Variants in VPS37B observed in about 807,000 individuals in gnomAD.
The protein encoded by VPS37B is VPS37B subunit of ESCRT-I, also known as vacuolar protein sorting-associated protein 37B.
VPS37B carries 11 observed loss-of-function variants against 21.2 expected under a neutral mutation model. The observed-to-expected ratio is 0.52, with a 90% confidence interval of 0.33 to 0.86. VPS37B has a LOEUF of 0.86. Ranked by LOEUF, VPS37B falls within the 40% of genes least tolerant of loss-of-function variation. VPS37B has a pLI of 0.03. For synonymous variants in VPS37B, 175 were observed against 159.6 expected (o/e 1.10, Z -0.73); for missense variants, 389 against 374.8 (o/e 1.04, Z -0.31).
At chr12:122,894,945 C>T (rs900276301) in intron 1 of VPS37B, among the ~76,000 whole-genome samples, 55 of 152,230 alleles carry the variant, frequency 3.6e-4, no homozygotes, top group African/African-American at 1.3e-3. Context: ...ACACGTGGGA[C>T]GCAGTGGTAC....
intron 1 of VPS37B, chr12:122,883,029 T>C (rs1593919124): frequency 6.6e-6 from 1 of 152,190 alleles, no homozygotes; most frequent in East Asian, 1.9e-4. Flanking sequence ...TCGGAGAACA[T>C]TATGAAACAG....
chr12:122,888,244 T>C (rs2034356330), intron 1 of VPS37B: 1 of 203,404 alleles, frequency 4.9e-6, no homozygotes, highest in African/African-American at 2.3e-5. Context: ...TTGAAAAGCC[T>C]TCCCTTGACA....
chr12:122,873,525 A>T (rs1437183693), intron 1 of VPS37B: 1 of 152,176 alleles, frequency 6.6e-6, no homozygotes, highest in African/African-American at 2.4e-5. Context: ...ATTATCTGCC[A>T]CGCCTGGGGT....
chr12:122,868,625 C>T lies in VPS37B; in HGVS notation c.284-63G>A. On this transcript the variant is annotated intron_variant, in intron 2 of 3. Coordinates refer to ENST00000267202, the MANE Select transcript of VPS37B (RefSeq NM_024667.3). This position sits in a 1 kb window ranked among gnomAD's most constrained non-coding sequence, Gnocchi z 5.5. ...TGTCCAGGTAAAGCCCTTCATGATG[C>T]CAACCACGGCAGGATTGCACCTTCC... The T allele has an allele frequency of 7.1e-7, 1 of 1,405,850 alleles. No individual in the cohort carries two copies. Among genetic ancestry groups the T allele is most frequent in the African/African-American group, 1.4e-5 (1 of 71,224 alleles). The allele number at this position is 1,405,850 out of a possible 1,614,324, so 87.1% of individuals were successfully genotyped here.
At chr12:122,894,204 T>C (rs2034455904) in intron 1 of VPS37B, among the ~76,000 whole-genome samples, 2 of 152,200 alleles carry the variant, frequency 1.3e-5, no homozygotes, top group African/African-American at 2.4e-5. Flanking sequence ...GATTTTTTCT[T>C]TGGAGACATG....
rs2033914807 is a variant in VPS37B at position 122,867,049 on chromosome 12, T to G, written c.*67A>C. ...CTTGGCACAGAGCGGACCTCCAGCC[T>G]CCTTCCCGTGAGCAGAGCACAACAC... On this transcript the variant is annotated 3_prime_UTR_variant, in exon 4 of 4. Transcript: ENST00000267202. This position sits in a 1 kb window ranked among gnomAD's most constrained non-coding sequence, Gnocchi z 5.5. The G allele has an allele frequency of 3.4e-6, 5 of 1,450,758 alleles. No individual in the cohort carries two copies. The highest frequency in any genetic ancestry group is 3.6e-6 in the Non-Finnish European group (4 of 1,101,828). The allele number at this position is 1,450,758 out of a possible 1,614,324, so 89.9% of individuals were successfully genotyped here. A position where few individuals can be genotyped will look rare whatever the true frequency, so the allele number is the denominator to read the frequency against.
chr12:122,872,034 C>T (rs2034048906), intron 1 of VPS37B: 1 of 985,380 alleles, frequency 1.0e-6, no homozygotes, highest in Non-Finnish European at 1.2e-6. Flanking sequence ...TCAACGCCAC[C>T]CCAGTCATCT....
rs2034055346 is a variant in VPS37B at position 122,872,315 on chromosome 12, G to T, written c.112-1254C>A. 3 of 985,272 alleles carry T rather than the reference G, an allele frequency of 3.0e-6. No individual in the cohort carries two copies. The South Asian group carries it at 1.4e-4, about 46-fold the overall frequency. The allele number at this position is 985,272 out of a possible 1,614,324, so 61.0% of individuals were successfully genotyped here. The stretch of plus-strand genomic sequence containing the variant: ...GGAGATCCCTAACCCCAGCAGGAGG[G>T]CTCTTTTCAGCAGACAGTGATCTGC... On this transcript the variant is annotated intron_variant, in intron 1 of 3. Transcript: ENST00000267202.
intron 1 of VPS37B, chr12:122,889,565 A>T (rs1181306830): frequency 6.6e-6 from 1 of 152,154 alleles, no homozygotes; most frequent in African/African-American, 2.4e-5. Context: ...TCTACTAAAA[A>T]TACAAAATTA....
intron 1 of VPS37B, chr12:122,877,059 A>C (rs1003052530): frequency 6.6e-6 from 1 of 152,252 alleles, no homozygotes; most frequent in Non-Finnish European, 1.5e-5. Flanking sequence ...ACAAAGGCAG[A>C]CAAATCTGCC....
At position 122,866,231 on chromosome 12, in the gene VPS37B, G is replaced by A. The variant is rs1340861518; in HGVS notation, c.*885C>T. On this transcript the variant is annotated 3_prime_UTR_variant, in exon 4 of 4. Coordinates refer to ENST00000267202, the MANE Select transcript of VPS37B (RefSeq NM_024667.3). ...GGCACCGTGCACTGCTTGCACAAAA[G>A]GAAATTGCATCCACTTCATCGGCAT... The A allele has an allele frequency of 6.6e-6, 1 of 152,660 alleles. No homozygotes were observed. Among genetic ancestry groups the A allele is most frequent in the Non-Finnish European group, 1.5e-5 (1 of 68,060 alleles). 9.5% of individuals were successfully genotyped at this position (152,660 alleles called of 1,614,324 possible). A position where few individuals can be genotyped will look rare whatever the true frequency, so the allele number is the denominator to read the frequency against.
intron 1 of VPS37B, chr12:122,880,467 A>C (rs1044705098): frequency 1.3e-5 from 2 of 152,124 alleles, no homozygotes; most frequent in Non-Finnish European, 2.9e-5. Context: ...GCCCTCTCCC[A>C]CTTAGAAAGC....
At chr12:122,895,883 G>C in intron 1 of VPS37B, 69 bp downstream of exon 1, 2 of 1,460,894 alleles carry the variant, frequency 1.4e-6, no homozygotes, top group Non-Finnish European at 1.9e-6. Flanking sequence ...CTCCGCCTCC[G>C]GCCACCGTTC....
chr12:122,883,308 G>A (rs796407175), intron 1 of VPS37B: 5 of 152,310 alleles, frequency 3.3e-5, no homozygotes, highest in African/African-American at 7.2e-5. Flanking sequence ...TGTAGCTGAC[G>A]TGAATCTAAA....
chr12:122,891,203 C>A (rs1245195046), intron 1 of VPS37B, among the ~76,000 whole-genome samples: 1 of 152,202 alleles, frequency 6.6e-6, no homozygotes, highest in Non-Finnish European at 1.5e-5. Flanking sequence ...TGTGATGCCA[C>A]CCACCACTGC....
intron 1 of VPS37B, chr12:122,880,685 AAAC>A (rs950502112): frequency 4.6e-5 from 7 of 150,726 alleles, no homozygotes; most frequent in African/African-American, 1.7e-4. Flanking sequence ...GAAAAAAAAA[AAAC>A]AAACACGACA....
At chr12:122,872,309 A>T (rs747045079) in intron 1 of VPS37B, 11 of 985,504 alleles carry the variant, frequency 1.1e-5, no homozygotes, top group Non-Finnish European at 1.3e-5. Context: ...TAACCCCAGC[A>T]GGAGGGCTCT....
Position 122,867,587 on chromosome 12 carries a change from C to T in VPS37B, c.387G>A (p.Leu129=). The change falls in exon 4 of 4, where the codon CTG becomes CTA. Residue 129 remains leucine (L), a synonymous_variant. Transcript: ENST00000267202. This position sits in a 1 kb window ranked among gnomAD's most constrained non-coding sequence, Gnocchi z 5.5. ...AGGAATCCAGAGGAAGTTCTCCATC[C>T]AGAAACTTCTCTGCCATGTTCTGAA... The part of the protein sequence containing the change: ...EDTENMAEKF[L]DGELPLDSFI... 1 of 1,613,424 alleles carries T rather than the reference C, an allele frequency of 6.2e-7. No homozygotes were observed. Among genetic ancestry groups the T allele is most frequent in the Non-Finnish European group, 8.5e-7 (1 of 1,180,004 alleles).
intron 1 of VPS37B, among the ~76,000 whole-genome samples, chr12:122,895,553 T>C (rs2034480111): frequency 6.6e-6 from 1 of 151,666 alleles, no homozygotes; most frequent in Admixed American, 6.6e-5. Flanking sequence ...GACCCAACGA[T>C]AGCACTCTAA....
Sources: allele counts gnomAD v4.1 joint callset (sites outside exome capture counted in the v4.1 genomes callset), GRCh38; gene constraint gnomAD v4.1.1; non-coding constraint Gnocchi (gnomAD v3.1); transcripts MANE v1.5; gene names NCBI Gene and HGNC (gene_info 2026-07-23, HGNC 2026-07-21).